DUSP6: variants seen among roughly 807,000 people sequenced by gnomAD.
DUSP6 encodes the protein dual specificity protein phosphatase 6.
DUSP6 carries 6 observed loss-of-function variants against 28.0 expected under a neutral mutation model. The ratio of observed to expected loss-of-function variants is 0.21; its 90% CI spans 0.12 to 0.42. DUSP6 has a LOEUF of 0.42. Among genes scored for constraint, DUSP6 ranks in the 10% least tolerant of loss-of-function variants. DUSP6 has a pLI of 1.00. For missense variants in DUSP6, 451 were observed against 498.1 expected, an observed-to-expected ratio of 0.91 and a Z score of 0.90; for synonymous variants, 252 against 217.5, an observed-to-expected ratio of 1.16 and a Z score of -1.40.
chr12:89,350,943 C>G lies in DUSP6; in HGVS notation c.483G>C (p.Pro161=). The change falls in exon 2 of 3, where the codon CCG becomes CCC. Residue 161 remains proline, a synonymous_variant. Coordinates refer to ENST00000279488, the MANE Select transcript of DUSP6 (RefSeq NM_001946.4). ...GGCCCCCGAGCCCCAGCACTGGCAA[C>G]GGCGGCGAGCTGCTGCTACACGAGC... ...LDGSCSSSSP[P]LPVLGLGGLR... is the part of the protein sequence containing the mutation. 1.9e-6 allele frequency: 3 copies of G among 1,613,324 alleles called. No individual in the cohort carries two copies. The highest frequency in any genetic ancestry group is 2.5e-6 in the Non-Finnish European group (3 of 1,179,848).
Position 89,351,859 on chromosome 12 carries a change from T to G in DUSP6, c.181A>C (p.Ile61Leu), listed in dbSNP as rs762737360. ...CCCTTCTGCAGGCGCCGCAGCATGA[T>G]GCCCGGGATGGCCACGTTGATGGCC... Reference protein sequence around the residue: ...ESAINVAIPGIMLRRLQKGNL... With the variant: ...ESAINVAIPGLMLRRLQKGNL... The change falls in exon 1 of 3, where the codon ATC becomes CTC. Residue 61 changes from isoleucine (I) to leucine (L), a missense_variant. This residue lies in a region of DUSP6 where 347 missense variants were observed against 346.6 expected (regional missense o/e 1.00). Transcript: ENST00000279488. The G allele has an allele frequency of 6.2e-7, 1 of 1,612,386 alleles. No homozygotes were observed. Among genetic ancestry groups the G allele is most frequent in the South Asian group, 1.1e-5 (1 of 91,050 alleles).
intron 2 of DUSP6, among the ~76,000 whole-genome samples, chr12:89,349,907 T>C: frequency 6.6e-6 from 1 of 152,202 alleles, no homozygotes; most frequent in East Asian, 1.9e-4. Flanking sequence ...TCTATTAAAT[T>C]ATGCTCCAAA....
In DUSP6 at chr12:89,349,014, T is replaced by C. The variant is rs1455041338; in HGVS notation, c.*240A>G. Reference sequence around the variant, plus strand: ...TCCCTGCATGGGTAGGCTGTACACATGGGTACAGAGCAAACCTACTGCCTG... The same window carrying C: ...TCCCTGCATGGGTAGGCTGTACACACGGGTACAGAGCAAACCTACTGCCTG... On this transcript the variant is annotated 3_prime_UTR_variant, in exon 3 of 3. Transcript: ENST00000279488. The C allele has an allele frequency of 6.0e-6, 3 of 496,986 alleles. No homozygotes were observed. The highest frequency in any genetic ancestry group is 1.1e-5 in the Non-Finnish European group (3 of 277,786). 30.8% of individuals were successfully genotyped at this position (496,986 alleles called of 1,614,324 possible).
rs572067782 is a variant in DUSP6, at chr12:89,351,752, C to T, written c.288G>A (p.Val96=). The T allele has an allele frequency of 1.2e-6, 2 of 1,607,894 alleles. No individual in the cohort carries two copies. The highest frequency in any genetic ancestry group is 2.7e-5 in the African/African-American group (2 of 75,010). ...FTRRCGTDTV[V]LYDESSSDWN... ...AGTCGCTGCTGCTCTCGTCGTAGAG[C>T]ACCACTGTGTCGGTGCCACAGCGCC... Residue 96 remains valine, a synonymous_variant, in exon 1 of 3, where the codon GTG becomes GTA. Transcript: ENST00000279488.
intron 1 of DUSP6, chr12:89,351,365 T>G: frequency 1.7e-6 from 1 of 584,882 alleles, no homozygotes. Context: ...AACAGGGTGA[T>G]GGTGGAGGAT....
At position 89,349,408 on chromosome 12, in the gene DUSP6, GA is replaced by G; in HGVS notation, c.991del (p.Ser331ProfsTer94). On this transcript the variant is annotated frameshift_variant, in exon 3 of 3. Transcript: ENST00000279488. LOFTEE classifies it high-confidence loss of function. ...CTGACCCATGAAGTTGAAGTTAGGG[GA>G]TATGTTGGATTTTTTCATTTTGACA... ...DIVKMKKSNI[S>X]PNFNFMGQLL... The G allele has an allele frequency of 6.2e-7, 1 of 1,614,154 alleles. No homozygotes were observed. Among genetic ancestry groups the G allele is most frequent in the Non-Finnish European group, 8.5e-7 (1 of 1,180,030 alleles).
At chr12:89,351,462 T>C in intron 1 of DUSP6, 178 bp downstream of exon 1, 1 of 1,099,190 alleles carries the variant, frequency 9.1e-7, no homozygotes, top group Non-Finnish European at 1.3e-6. Flanking sequence ...CCGGCCCGGT[T>C]CTCTGGTGCG....
chr12:89,347,580 T>C lies in DUSP6; in HGVS notation c.*1674A>G, dbSNP rs965361420. ...GATTCAGCATTCTCACACTAGGATA[T>C]CTGCAGGTAGAATTGCCCATGACAA... is the stretch of plus-strand genomic sequence containing the variant. On this transcript the variant is annotated 3_prime_UTR_variant, in exon 3 of 3. Coordinates refer to ENST00000279488, the MANE Select transcript of DUSP6 (RefSeq NM_001946.4). 1 of 152,328 alleles carries C rather than the reference T, an allele frequency of 6.6e-6. No homozygotes were observed. The highest frequency in any genetic ancestry group is 1.9e-4 in the East Asian group (1 of 5,184). 9.4% of individuals were successfully genotyped at this position (152,328 alleles called of 1,614,324 possible).
chr12:89,351,650 G>C lies in DUSP6; in HGVS notation c.390C>G (p.Phe130Leu). 1 of 1,602,132 alleles carries C rather than the reference G, an allele frequency of 6.2e-7. No individual in the cohort carries two copies. The highest frequency in any genetic ancestry group is 8.5e-7 in the Non-Finnish European group (1 of 1,173,588). ...TCCCTGGGCGCGTACCTTCCAGGTAGAACGCCCGGCAGCCCTCGTCCTTGA... is the reference window on the plus strand; with the variant it reads ...TCCCTGGGCGCGTACCTTCCAGGTACAACGCCCGGCAGCCCTCGTCCTTGA... ...KKLKDEGCRA[F>L]YLEGGFSKFQ... Residue 130 changes from phenylalanine to leucine, a missense_variant, in exon 1 of 3, where the codon TTC (phenylalanine) becomes TTG (leucine). By Grantham distance (22) the Phe-to-Leu change is conservative. This residue lies in a region of DUSP6 where 347 missense variants were observed against 346.6 expected (regional missense o/e 1.00). Transcript: ENST00000279488.
Position 89,347,399 on chromosome 12 carries a change from A to T in DUSP6, c.*1855T>A, listed in dbSNP as rs1370820934. ...AATAAGGGTTTCTGACCCACATCCC[A>T]AGCCAGTTAAACAAAAAAGCACATT... On this transcript the variant is annotated 3_prime_UTR_variant, in exon 3 of 3. Coordinates refer to ENST00000279488, the MANE Select transcript of DUSP6 (RefSeq NM_001946.4). 1.3e-5 allele frequency: 2 copies of T among 152,184 alleles called. No individual in the cohort carries two copies. Among genetic ancestry groups the T allele is most frequent in the Non-Finnish European group, 2.9e-5 (2 of 68,032 alleles). The allele number at this position is 152,184 out of a possible 1,614,324, so 9.4% of individuals were successfully genotyped here.
At position 89,349,117 on chromosome 12, in the gene DUSP6, G is replaced by T; in HGVS notation, c.*137C>A. ...TTAGTATTAACCAATTCCGCACTTG[G>T]TAACCTTGTCTAGTACAGACAGCTG... is the stretch of plus-strand genomic sequence containing the variant. On this transcript the variant is annotated 3_prime_UTR_variant, in exon 3 of 3. Transcript: ENST00000279488. 1 of 928,482 alleles carries T rather than the reference G, an allele frequency of 1.1e-6. No homozygotes were observed. Among genetic ancestry groups the T allele is most frequent in the Non-Finnish European group, 1.6e-6 (1 of 620,624 alleles). The allele number at this position is 928,482 out of a possible 1,614,324, so 57.5% of individuals were successfully genotyped here.
chr12:89,347,762 T>C lies in DUSP6; in HGVS notation c.*1492A>G, dbSNP rs907291387. The stretch of plus-strand genomic sequence containing the variant: ...TCTGTGGTTAATATCCAAATTGTAT[T>C]CCTCAGCAAGCTATGCTCTATAGGT... On this transcript the variant is annotated 3_prime_UTR_variant, in exon 3 of 3. Transcript: ENST00000279488. 7.9e-5 allele frequency: 12 copies of C among 152,190 alleles called. No homozygotes were observed. In the East Asian group the frequency reaches 2.1e-3, roughly 27 times the overall value. 9.4% of individuals were successfully genotyped at this position (152,190 alleles called of 1,614,324 possible).
rs367973418 is a variant in DUSP6 at position 89,350,583 on chromosome 12, C to T, written c.838+5G>A. The stretch of plus-strand genomic sequence containing the variant: ...GTCAGAGCGACGACTATTAATTAGT[C>T]TCACCTATGAAAGAAATGGCCTCAG... On this transcript the variant is annotated splice_donor_5th_base_variant and intron_variant, in intron 2 of 2. Coordinates refer to ENST00000279488, the MANE Select transcript of DUSP6 (RefSeq NM_001946.4). 3 of 1,611,008 alleles carry T rather than the reference C, an allele frequency of 1.9e-6. No individual in the cohort carries two copies. Among genetic ancestry groups the T allele is most frequent in the Admixed American group, 1.7e-5 (1 of 59,914 alleles).
chr12:89,350,970 G>T lies in DUSP6; in HGVS notation c.456C>A (p.Asp152Glu), dbSNP rs1476673260. The stretch of plus-strand genomic sequence containing the variant: ...GCGGCGAGCTGCTGCTACACGAGCC[G>T]TCTAGATTGGTCTCGCAATGCAGGG... Reference protein sequence around the residue: ...EFSLHCETNLDGSCSSSSPPL... With the variant: ...EFSLHCETNLEGSCSSSSPPL... The change falls in exon 2 of 3, where the codon GAC (aspartate) becomes GAA (glutamate). Residue 152 changes from aspartate (D) to glutamate (E), a missense_variant. Physicochemically the swap from Asp to Glu is conservative, Grantham distance 45 (BLOSUM62 2). Transcript: ENST00000279488. 6.2e-7 allele frequency: 1 copy of T among 1,611,896 alleles called. No homozygotes were observed. The highest frequency in any genetic ancestry group is 1.1e-5 in the South Asian group (1 of 90,952).
chr12:89,350,919 G>A lies in DUSP6; in HGVS notation c.507C>T (p.Gly169=), dbSNP rs1332837716. 6.2e-7 allele frequency: 1 copy of A among 1,613,606 alleles called. No individual in the cohort carries two copies. The highest frequency in any genetic ancestry group is 1.7e-5 in the Admixed American group (1 of 60,010). ...AGGAAGAGTCAGAGCTGATCCGCAG[G>A]CCCCCGAGCCCCAGCACTGGCAACG... ...SPPLPVLGLG[G]LRISSDSSSD... is the part of the protein sequence containing the mutation. Residue 169 remains glycine, a synonymous_variant, in exon 2 of 3, where the codon GGC becomes GGT. Transcript: ENST00000279488.
At chr12:89,349,627 C>T (rs929342891) in intron 2 of DUSP6, 66 bp from the exon 3 acceptor site, 29 of 1,276,664 alleles carry the variant, frequency 2.3e-5, no homozygotes, top group Non-Finnish European at 3.0e-5. Flanking sequence ...AATGATCAGT[C>T]TAAAAACTGA....
At position 89,348,146 on chromosome 12, in the gene DUSP6, A is replaced by G. The variant is rs1756041601; in HGVS notation, c.*1108T>C. Reference sequence around the variant, plus strand: ...CAGCTCTAAACTTTACACCACGAACATAATGGAGAATTTAACTCTCCCTTC... The same window carrying G: ...CAGCTCTAAACTTTACACCACGAACGTAATGGAGAATTTAACTCTCCCTTC... On this transcript the variant is annotated 3_prime_UTR_variant, in exon 3 of 3. Transcript: ENST00000279488. 1 of 152,666 alleles carries G rather than the reference A, an allele frequency of 6.6e-6. No individual in the cohort carries two copies. Among genetic ancestry groups the G allele is most frequent in the African/African-American group, 2.4e-5 (1 of 41,466 alleles). The allele number at this position is 152,666 out of a possible 1,614,324, so 9.5% of individuals were successfully genotyped here.
At position 89,351,913 on chromosome 12, in the gene DUSP6, C is replaced by G. The variant is rs542439690; in HGVS notation, c.127G>C (p.Glu43Gln). The G allele has an allele frequency of 6.2e-7, 1 of 1,612,916 alleles. No homozygotes were observed. Among genetic ancestry groups the G allele is most frequent in the South Asian group, 1.1e-5 (1 of 91,088 alleles). The change falls in exon 1 of 3, where the codon GAG (glutamate) becomes CAG (glutamine). Residue 43 changes from glutamate (E) to glutamine (Q), a missense_variant. Coordinates refer to ENST00000279488, the MANE Select transcript of DUSP6 (RefSeq NM_001946.4). ...TCGATGTGCGACGACTCGTATAGCT[C>G]CTGCGGCCGGCAGTCCATCAGCAGC... is the stretch of plus-strand genomic sequence containing the variant. ...RLLLMDCRPQ[E>Q]LYESSHIESA...
chr12:89,351,512 TC>T, intron 1 of DUSP6, 127 bp downstream of exon 1: 1 of 1,401,006 alleles, frequency 7.1e-7, no homozygotes, highest in East Asian at 2.6e-5. Context: ...CGGCTGCCGG[TC>T]CCTAGGCGGG....
Sources: allele counts gnomAD v4.1 joint callset (sites outside exome capture counted in the v4.1 genomes callset), GRCh38; gene constraint gnomAD v4.1.1; regional missense constraint gnomAD v4.1.1; transcripts MANE v1.5; gene names NCBI Gene and HGNC (gene_info 2026-07-23, HGNC 2026-07-21).